Variants in OR56B1 observed in about 807,000 individuals in gnomAD.
The protein encoded by OR56B1 is olfactory receptor 56B1.
A neutral mutation model predicts 11.4 loss-of-function variants in OR56B1; 13 were observed. That is an observed-to-expected ratio of 1.14 (90% CI 0.74 to 1.81). OR56B1 has a LOEUF of 1.81. OR56B1 is among the 40% of genes most tolerant of loss of function. The pLI is 0.00. For synonymous variants in OR56B1, 158 were observed against 143.6 expected (o/e 1.10, Z -0.72); for missense variants, 434 against 379.3 (o/e 1.14, Z -1.20).
Position 5,736,662 on chromosome 11 carries a change from C to T in OR56B1, c.146C>T (p.Ala49Val), listed in dbSNP as rs200176288. 9.3e-6 allele frequency: 15 copies of T among 1,614,004 alleles called. No individual in the cohort carries two copies. The Admixed American group carries it at 2.0e-4, about 22-fold the overall frequency. Reference protein sequence around the residue: ...PLALLYLSALAANTLILIIIW... With the variant: ...PLALLYLSALVANTLILIIIW... The stretch of plus-strand genomic sequence containing the variant: ...GCACTACTGTATCTCTCAGCACTTG[C>T]TGCAAACACCCTCATCCTCATCATC... The change falls in exon 1 of 1, where the codon GCT becomes GTT. Residue 49 changes from alanine to valine, a missense_variant. By Grantham distance (64) the Ala-to-Val change is moderately conservative (BLOSUM62 0). Coordinates refer to ENST00000317121, the MANE Select transcript of OR56B1 (RefSeq NM_001005180.3).
Position 5,736,963 on chromosome 11 carries a change from A to T in OR56B1, c.447A>T (p.Leu149Phe). 1 of 1,614,048 alleles carries T rather than the reference A, an allele frequency of 6.2e-7. No individual in the cohort carries two copies. Among genetic ancestry groups the T allele is most frequent in the Non-Finnish European group, 8.5e-7 (1 of 1,179,984 alleles). ...ATCCATCAATTGTCACCAGTTCCTT[A>T]ATCTTAAAAGCTACCCTGTTCATGG... Reference protein sequence around the residue: ...LRYPSIVTSSLILKATLFMVL... With the variant: ...LRYPSIVTSSFILKATLFMVL... Residue 149 changes from leucine (L) to phenylalanine (F), a missense_variant, in exon 1 of 1, where the codon TTA (leucine) becomes TTT (phenylalanine). Transcript: ENST00000317121.
At position 5,737,144 on chromosome 11, in the gene OR56B1, G is replaced by C; in HGVS notation, c.628G>C (p.Val210Leu). 2 of 1,613,998 alleles carry C rather than the reference G, an allele frequency of 1.2e-6. No homozygotes were observed. The highest frequency in any genetic ancestry group is 1.7e-6 in the Non-Finnish European group (2 of 1,179,984). Residue 210 changes from valine (V) to leucine (L), a missense_variant, in exon 1 of 1, where the codon GTT becomes CTT. Coordinates refer to ENST00000317121, the MANE Select transcript of OR56B1 (RefSeq NM_001005180.3). ...DRRPNSICQLVLAWLGMGSDL... is the reference protein window; with the variant it reads ...DRRPNSICQLLLAWLGMGSDL... ...GAGGCCAAACAGCATTTGCCAGTTG[G>C]TTCTGGCATGGCTTGGAATGGGGAG...
rs1248825762 is a variant in OR56B1, at chr11:5,737,633, G to T, written c.*142G>T. The T allele has an allele frequency of 2.7e-6, 2 of 741,930 alleles. No individual in the cohort carries two copies. The highest frequency in any genetic ancestry group is 3.6e-5 in the South Asian group (1 of 27,872). The allele number at this position is 741,930 out of a possible 1,614,324, so 46.0% of individuals were successfully genotyped here. A position where few individuals can be genotyped will look rare whatever the true frequency, so the allele number is the denominator to read the frequency against. ...AAATAATTGTGAAAGCTTCAGAAAA[G>T]ATACAAAAAATCACAGTAGCCTAAA... On this transcript the variant is annotated 3_prime_UTR_variant, in exon 1 of 1. Coordinates refer to ENST00000317121, the MANE Select transcript of OR56B1 (RefSeq NM_001005180.3).
At position 5,736,853 on chromosome 11, in the gene OR56B1, A is replaced by G. The variant is rs548710840; in HGVS notation, c.337A>G (p.Ile113Val). The G allele has an allele frequency of 1.5e-4, 238 of 1,613,938 alleles. 1 individual carries two copies. The South Asian group carries it at 2.5e-3, about 17-fold the overall frequency. ...TGAGTGCTTTGCTCAGATTTATGCC[A>G]TTCACTTCTTTGTGGGCATGGAGTC... ...LPECFAQIYA[I>V]HFFVGMESGI... The change falls in exon 1 of 1, where the codon ATT (isoleucine) becomes GTT (valine). Residue 113 changes from isoleucine (I) to valine (V), a missense_variant. Ile to Val is a conservative substitution (Grantham distance 29). Coordinates refer to ENST00000317121, the MANE Select transcript of OR56B1 (RefSeq NM_001005180.3).
Position 5,737,076 on chromosome 11 carries a change from T to C in OR56B1, c.560T>C (p.Leu187Pro). ...YCSKNEIEHCLCSNLGVTSLA... is the reference protein window; with the variant it reads ...YCSKNEIEHCPCSNLGVTSLA... ...TCCAAGAATGAAATTGAACACTGCC[T>C]GTGCTCTAACCTTGGGGTCACAAGC... The change falls in exon 1 of 1, where the codon CTG (leucine) becomes CCG (proline). Residue 187 changes from leucine to proline, a missense_variant. Transcript: ENST00000317121. The C allele has an allele frequency of 6.2e-7, 1 of 1,614,124 alleles. No individual in the cohort carries two copies. The highest frequency in any genetic ancestry group is 1.1e-5 in the South Asian group (1 of 91,088).
At position 5,736,586 on chromosome 11, in the gene OR56B1, C is replaced by T. The variant is rs748384435; in HGVS notation, c.70C>T (p.Leu24=). The T allele has an allele frequency of 1.7e-5, 28 of 1,613,878 alleles. No individual in the cohort carries two copies. Among genetic ancestry groups the T allele is most frequent in the African/African-American group, 2.7e-5 (2 of 74,912 alleles). The change falls in exon 1 of 1, where the codon CTG becomes TTG. Residue 24 remains leucine, a synonymous_variant. Transcript: ENST00000317121. ...ATTCCAGGTCTCTGAGTTCATCCTG[C>T]TGGGATTCCCGGGCATTCACAGCTG... ...SKFQVSEFIL[L]GFPGIHSWQH...
Position 5,737,581 on chromosome 11 carries a change from T to A in OR56B1, c.*90T>A. On this transcript the variant is annotated 3_prime_UTR_variant, in exon 1 of 1. Transcript: ENST00000317121. ...GGATAAATGAGTAAGTGAATACCTTTGGGATTCCCTTTTTATATTTGTATG... is the reference window on the plus strand; with the variant it reads ...GGATAAATGAGTAAGTGAATACCTTAGGGATTCCCTTTTTATATTTGTATG... 2 of 1,171,112 alleles carry A rather than the reference T, an allele frequency of 1.7e-6. No homozygotes were observed. The highest frequency in any genetic ancestry group is 2.4e-6 in the Non-Finnish European group (2 of 848,434). 72.5% of individuals were successfully genotyped at this position (1,171,112 alleles called of 1,614,324 possible).
chr11:5,736,565 C>T lies in OR56B1; in HGVS notation c.49C>T (p.Gln17Ter). Residue 17 changes from glutamine to a stop codon, truncating the protein, a stop_gained, in exon 1 of 1, where the codon CAG becomes TAG. Coordinates refer to ENST00000317121, the MANE Select transcript of OR56B1 (RefSeq NM_001005180.3). LOFTEE classifies it low-confidence loss of function (END_TRUNC). ...CAAAATCTCCAATAGCTCCAAATTC[C>T]AGGTCTCTGAGTTCATCCTGCTGGG... ...SLKISNSSKF[Q>*]VSEFILLGFP... 1 of 1,613,824 alleles carries T rather than the reference C, an allele frequency of 6.2e-7. No homozygotes were observed. Among genetic ancestry groups the T allele is most frequent in the Non-Finnish European group, 8.5e-7 (1 of 1,179,822 alleles).
In OR56B1 at chr11:5,737,514, G is replaced by A. The variant is rs1045321149; in HGVS notation, c.*23G>A. The A allele has an allele frequency of 1.3e-6, 2 of 1,582,130 alleles. No individual in the cohort carries two copies. Among genetic ancestry groups the A allele is most frequent in the African/African-American group, 2.7e-5 (2 of 73,724 alleles). Reference sequence around the variant, plus strand: ...TAGAGACCTTCTCCATGATGTACATGAACCTCAGCTTCTCCTAAACTGGAT... The same window carrying A: ...TAGAGACCTTCTCCATGATGTACATAAACCTCAGCTTCTCCTAAACTGGAT... On this transcript the variant is annotated 3_prime_UTR_variant, in exon 1 of 1. Coordinates refer to ENST00000317121, the MANE Select transcript of OR56B1 (RefSeq NM_001005180.3).
rs2134202528 is a variant in OR56B1, at chr11:5,737,502, C to T, written c.*11C>T. On this transcript the variant is annotated 3_prime_UTR_variant, in exon 1 of 1. Coordinates refer to ENST00000317121, the MANE Select transcript of OR56B1 (RefSeq NM_001005180.3). ...GAAATAAGATCTTAGAGACCTTCTC[C>T]ATGATGTACATGAACCTCAGCTTCT... 6.3e-7 allele frequency: 1 copy of T among 1,594,822 alleles called. No individual in the cohort carries two copies. Among genetic ancestry groups the T allele is most frequent in the Non-Finnish European group, 8.5e-7 (1 of 1,170,118 alleles).
In OR56B1 at chr11:5,737,264, T is replaced by C; in HGVS notation, c.748T>C (p.Cys250Arg). The change falls in exon 1 of 1, where the codon TGT becomes CGT. Residue 250 changes from cysteine to arginine, a missense_variant. Cys to Arg is a radical substitution (Grantham distance 180, BLOSUM62 -3). Coordinates refer to ENST00000317121, the MANE Select transcript of OR56B1 (RefSeq NM_001005180.3). ...AGCTGCAGCCAAGGCCCTGAGCACTTGTAGTTCACATCTCACCCTCATCCT... is the reference window on the plus strand; with the variant it reads ...AGCTGCAGCCAAGGCCCTGAGCACTCGTAGTTCACATCTCACCCTCATCCT... ...AEAAAKALSTCSSHLTLILFF... is the reference protein window; with the variant it reads ...AEAAAKALSTRSSHLTLILFF... 1.2e-6 allele frequency: 2 copies of C among 1,614,158 alleles called. No homozygotes were observed. The highest frequency in any genetic ancestry group is 1.7e-6 in the Non-Finnish European group (2 of 1,179,990).
rs1853941708 is a variant in OR56B1 at position 5,737,430 on chromosome 11, A to C, written c.914A>C (p.Lys305Thr). 1.2e-5 allele frequency: 20 copies of C among 1,613,978 alleles called. No homozygotes were observed. Among genetic ancestry groups the C allele is most frequent in the Non-Finnish European group, 1.7e-5 (20 of 1,179,912 alleles). The change falls in exon 1 of 1, where the codon AAA becomes ACA. Residue 305 changes from lysine to threonine, a missense_variant. Coordinates refer to ENST00000317121, the MANE Select transcript of OR56B1 (RefSeq NM_001005180.3). ...CCTACAGTTTATGCACTTCAGACCA[A>C]AGAACTTAGGGCAGCCTTCCAAAAG... ...LNPTVYALQT[K>T]ELRAAFQKVL...
In OR56B1 at chr11:5,737,379, A is replaced by G. The variant is rs376119189; in HGVS notation, c.863A>G (p.His288Arg). ...TLIPVLLNVLHNIIPPSLNPT... is the reference protein window; with the variant it reads ...TLIPVLLNVLRNIIPPSLNPT... Reference sequence around the variant, plus strand: ...ATTCCAGTTCTACTTAATGTGTTGCACAACATCATCCCCCCTTCCCTCAAC... The same window carrying G: ...ATTCCAGTTCTACTTAATGTGTTGCGCAACATCATCCCCCCTTCCCTCAAC... The change falls in exon 1 of 1, where the codon CAC (histidine) becomes CGC (arginine). Residue 288 changes from histidine to arginine, a missense_variant. His to Arg is a conservative substitution (Grantham distance 29). Transcript: ENST00000317121. 5 of 1,613,962 alleles carry G rather than the reference A, an allele frequency of 3.1e-6. No individual in the cohort carries two copies. The highest frequency in any genetic ancestry group is 4.2e-6 in the Non-Finnish European group (5 of 1,179,978).
At position 5,738,411 on chromosome 11, in the gene OR56B1, G is replaced by C. The variant is rs76410944; in HGVS notation, c.*920G>C. 10 of 152,062 alleles carry C rather than the reference G, an allele frequency of 6.6e-5. No individual in the cohort carries two copies. Among genetic ancestry groups the C allele is most frequent in the Admixed American group, 4.6e-4 (7 of 15,258 alleles). The allele number at this position is 152,062 out of a possible 1,614,324, so 9.4% of individuals were successfully genotyped here. A position where few individuals can be genotyped will look rare whatever the true frequency, so the allele number is the denominator to read the frequency against. ...TCTTCAGGCCAAGGGGCTGATAAAG[G>C]CTTCCTGATAGTAGTCTCTGAGTGC... On this transcript the variant is annotated 3_prime_UTR_variant, in exon 1 of 1. Coordinates refer to ENST00000317121, the MANE Select transcript of OR56B1 (RefSeq NM_001005180.3).
chr11:5,737,100 G>C lies in OR56B1; in HGVS notation c.584G>C (p.Ser195Thr). Residue 195 changes from serine (S) to threonine (T), a missense_variant, in exon 1 of 1, where the codon AGC (serine) becomes ACC (threonine). By Grantham distance (58) the Ser-to-Thr change is moderately conservative. Transcript: ENST00000317121. ...CTGTGCTCTAACCTTGGGGTCACAA[G>C]CCTGGCTTGTGATGACAGGAGGCCA... ...HCLCSNLGVT[S>T]LACDDRRPNS... 6.2e-7 allele frequency: 1 copy of C among 1,614,060 alleles called. No individual in the cohort carries two copies. Among genetic ancestry groups the C allele is most frequent in the Non-Finnish European group, 8.5e-7 (1 of 1,180,008 alleles).
At position 5,736,522 on chromosome 11, in the gene OR56B1, T is replaced by A; in HGVS notation, c.6T>A (p.Asn2Lys). The A allele has an allele frequency of 6.2e-7, 1 of 1,613,376 alleles. No individual in the cohort carries two copies. Among genetic ancestry groups the A allele is most frequent in the East Asian group, 2.2e-5 (1 of 44,872 alleles). Residue 2 changes from asparagine (N) to lysine (K), a missense_variant, in exon 1 of 1, where the codon AAT becomes AAA. By Grantham distance (94) the Asn-to-Lys change is moderately conservative. Coordinates refer to ENST00000317121, the MANE Select transcript of OR56B1 (RefSeq NM_001005180.3). M[N>K]HMSASLKISN... The stretch of plus-strand genomic sequence containing the variant: ...TTTGAAATTCATGTTGAATCATGAA[T>A]CATATGTCTGCATCTCTCAAAATCT...
Position 5,737,624 on chromosome 11 carries a change from T to C in OR56B1, c.*133T>C. The C allele has an allele frequency of 1.2e-6, 1 of 800,430 alleles. No individual in the cohort carries two copies. The highest frequency in any genetic ancestry group is 1.8e-6 in the Non-Finnish European group (1 of 543,674). The allele number at this position is 800,430 out of a possible 1,614,324, so 49.6% of individuals were successfully genotyped here. ...TTTGTATGTAAATAATTGTGAAAGC[T>C]TCAGAAAAGATACAAAAAATCACAG... On this transcript the variant is annotated 3_prime_UTR_variant, in exon 1 of 1. Transcript: ENST00000317121.
In OR56B1 at chr11:5,737,265, G is replaced by T. The variant is rs374174730; in HGVS notation, c.749G>T (p.Cys250Phe). 1.2e-6 allele frequency: 2 copies of T among 1,614,008 alleles called. No homozygotes were observed. The highest frequency in any genetic ancestry group is 2.7e-5 in the African/African-American group (2 of 74,918). The change falls in exon 1 of 1, where the codon TGT becomes TTT. Residue 250 changes from cysteine (C) to phenylalanine (F), a missense_variant. Cys to Phe is a radical substitution (Grantham distance 205, BLOSUM62 -2). Transcript: ENST00000317121. ...AEAAAKALST[C>F]SSHLTLILFF... is the part of the protein sequence containing the mutation. ...GCTGCAGCCAAGGCCCTGAGCACTTGTAGTTCACATCTCACCCTCATCCTT... is the reference window on the plus strand; with the variant it reads ...GCTGCAGCCAAGGCCCTGAGCACTTTTAGTTCACATCTCACCCTCATCCTT...
At position 5,737,700 on chromosome 11, in the gene OR56B1, G is replaced by A; in HGVS notation, c.*209G>A. The A allele has an allele frequency of 1.6e-5, 7 of 437,496 alleles. No homozygotes were observed. Among genetic ancestry groups the A allele is most frequent in the South Asian group, 5.9e-5 (1 of 17,030 alleles). The allele number at this position is 437,496 out of a possible 1,614,324, so 27.1% of individuals were successfully genotyped here. A position where few individuals can be genotyped will look rare whatever the true frequency, so the allele number is the denominator to read the frequency against. The stretch of plus-strand genomic sequence containing the variant: ...AATATTTAAATATATTTGAGAATAT[G>A]GAAGAAATTTCTGCCAAATCAAATT... On this transcript the variant is annotated 3_prime_UTR_variant, in exon 1 of 1. Transcript: ENST00000317121.
Sources: allele counts gnomAD v4.1 joint callset, GRCh38; gene constraint gnomAD v4.1.1; transcripts MANE v1.5; gene names NCBI Gene and HGNC (gene_info 2026-07-23, HGNC 2026-07-21).